PTCHD4: variants seen among roughly 807,000 people sequenced by gnomAD.
PTCHD4 encodes patched domain containing 4.
Under a neutral mutation model 58.1 loss-of-function variants are expected in PTCHD4, and 33 were observed. The ratio of observed to expected loss-of-function variants is 0.57; its 90% CI spans 0.43 to 0.76. The LOEUF (loss-of-function observed/expected upper bound fraction) is 0.76, where lower values mean the gene tolerates loss of function less well. Ranked by LOEUF, PTCHD4 falls within the 30% of genes least tolerant of loss-of-function variation. PTCHD4 has a pLI of 0.00. For missense variants in PTCHD4, 1,058 were observed against 1,027.1 expected, an observed-to-expected ratio of 1.03 and a Z score of -0.41; for synonymous variants, 478 against 409.6, an observed-to-expected ratio of 1.17 and a Z score of -2.02.
rs1049800545 is a variant in PTCHD4 at position 47,871,107 on chromosome 6, A to G, written c.*7196T>C. ...GGGTTTTGTTTTAGGAAAGAAAATA[A>G]AAATGCTCAACTTTTACTCTCATTT... On this transcript the variant is annotated 3_prime_UTR_variant, in exon 5 of 5. Coordinates refer to ENST00000339488, the MANE Select transcript of PTCHD4 (RefSeq NM_001384253.1). Among the ~76,000 whole-genome samples, 1 of 151,660 alleles carries G rather than the reference A, an allele frequency of 6.6e-6. No homozygotes were observed. The highest frequency in any genetic ancestry group is 2.4e-5 in the African/African-American group (1 of 41,386).
At position 47,879,557 on chromosome 6, in the gene PTCHD4, C is replaced by T. The variant is rs772385315; in HGVS notation, c.1278G>A (p.Gly426=). Residue 426 remains glycine, a synonymous_variant, in exon 5 of 5, where the codon GGG becomes GGA. Coordinates refer to ENST00000339488, the MANE Select transcript of PTCHD4 (RefSeq NM_001384253.1). The part of the protein sequence containing the change: ...PVWFQTVMSD[G]HQQTSHHETN... ...TCTCATGATGGGACGTCTGTTGATG[C>T]CCATCACTCATCACTGTCTGGAACC... The T allele has an allele frequency of 2.5e-6, 4 of 1,613,734 alleles. No homozygotes were observed. The Admixed American group carries it at 6.7e-5, about 27-fold the overall frequency.
chr6:47,885,123 C>T (rs1156840216), intron 4 of PTCHD4, among the ~76,000 whole-genome samples: 1 of 152,132 alleles, frequency 6.6e-6, no homozygotes, highest in East Asian at 1.9e-4. Flanking sequence ...TAATAAGTAA[C>T]TCACTCGGGA....
At chr6:48,108,312 G>C (rs1487039375) in intron 1 of PTCHD4, among the ~76,000 whole-genome samples, 1 of 152,084 alleles carries the variant, frequency 6.6e-6, no homozygotes, top group Non-Finnish European at 1.5e-5. Context: ...GGACATGGAT[G>C]AAGCTGGAAA....
intron 4 of PTCHD4, among the ~76,000 whole-genome samples, chr6:47,925,844 C>T (rs1409472440): frequency 6.6e-6 from 1 of 152,148 alleles, no homozygotes; most frequent in East Asian, 1.9e-4. Context: ...GTTACATATG[C>T]CTCCTTTATC....
chr6:47,930,210 TA>T (rs1398309619), intron 4 of PTCHD4, among the ~76,000 whole-genome samples: 1 of 151,988 alleles, frequency 6.6e-6, no homozygotes, highest in Non-Finnish European at 1.5e-5. Flanking sequence ...TCTGAAAGGG[TA>T]AAAAAGGTGG....
chr6:47,918,437 C>T (rs1765328176), intron 4 of PTCHD4, among the ~76,000 whole-genome samples: 1 of 152,026 alleles, frequency 6.6e-6, no homozygotes, highest in South Asian at 2.1e-4. Flanking sequence ...AGAACCAGGA[C>T]AACAAAGTAC....
chr6:48,065,817 G>A (rs1764774455), intron 3 of PTCHD4, among the ~76,000 whole-genome samples: 1 of 152,178 alleles, frequency 6.6e-6, no homozygotes, highest in African/African-American at 2.4e-5. Context: ...CACATTTGAG[G>A]AAACATTGAT....
intron 4 of PTCHD4, among the ~76,000 whole-genome samples, chr6:47,933,220 T>C (rs1013788577): frequency 6.6e-6 from 1 of 152,132 alleles, no homozygotes; most frequent in African/African-American, 2.4e-5. Flanking sequence ...ATTGAACAAA[T>C]GGTGAATGGG....
rs1762512789 is a variant in PTCHD4, at chr6:47,861,173, A to G, written c.*17130T>C. Reference sequence around the variant, plus strand: ...TAGATGAATTCTTCTTTTTACCTAAACTACTTAGTCCTGATTTTTCTTTAG... The same window carrying G: ...TAGATGAATTCTTCTTTTTACCTAAGCTACTTAGTCCTGATTTTTCTTTAG... On this transcript the variant is annotated 3_prime_UTR_variant, in exon 5 of 5. Transcript: ENST00000339488. Among the ~76,000 whole-genome samples the G allele has an allele frequency of 1.3e-5, 2 of 151,958 alleles. No individual in the cohort carries two copies. Among genetic ancestry groups the G allele is most frequent in the Admixed American group, 1.3e-4 (2 of 15,230 alleles).
At chr6:48,071,475 G>A (rs375314569) in intron 1 of PTCHD4, among the ~76,000 whole-genome samples, 10 of 152,244 alleles carry the variant, frequency 6.6e-5, no homozygotes, top group South Asian at 2.1e-4. Context: ...GAATGTTTCC[G>A]TTTATTGCTA....
At chr6:48,001,905 A>G (rs1306860822) in intron 4 of PTCHD4, among the ~76,000 whole-genome samples, 2 of 152,244 alleles carry the variant, frequency 1.3e-5, no homozygotes, top group Non-Finnish European at 2.9e-5. Context: ...ACTCAAACAA[A>G]TTTACAAGAA....
rs193152021 is a variant in PTCHD4, at chr6:47,898,565, T to C, written c.899-18629A>G. On this transcript the variant is annotated intron_variant, in intron 4 of 4. Coordinates refer to ENST00000339488, the MANE Select transcript of PTCHD4 (RefSeq NM_001384253.1). ...GGAAATTCAGCAACAATTAAATGTT[T>C]ACATGATACCACTCACATTTTTTCA... Among the ~76,000 whole-genome samples the C allele has an allele frequency of 1.7e-4, 26 of 152,328 alleles. No homozygotes were observed. In the East Asian group the frequency reaches 4.2e-3, roughly 25 times the overall value.
intron 4 of PTCHD4, among the ~76,000 whole-genome samples, chr6:47,908,374 T>A (rs77803641): frequency 0.038 from 5,826 of 152,218 alleles, 160 homozygotes; most frequent in Non-Finnish European, 0.047. Flanking sequence ...TGGGATTTTG[T>A]CTCCTTTTTC....
Position 47,878,740 on chromosome 6 carries a change from A to C in PTCHD4, c.2095T>G (p.Leu699Val), listed in dbSNP as rs776849610. The C allele has an allele frequency of 6.2e-7, 1 of 1,613,674 alleles. No individual in the cohort carries two copies. The highest frequency in any genetic ancestry group is 8.5e-7 in the Non-Finnish European group (1 of 1,179,782). ...VTSIELGVLG[L>V]MTLWNVDMDC... is the part of the protein sequence containing the mutation. ...ATGTCGACGTTCCATAATGTCATTAAGCCCAGAACGCCCAGCTCAATTGAG... is the reference window on the plus strand; with the variant it reads ...ATGTCGACGTTCCATAATGTCATTACGCCCAGAACGCCCAGCTCAATTGAG... Residue 699 changes from leucine to valine, a missense_variant, in exon 5 of 5, where the codon TTA (leucine) becomes GTA (valine). By Grantham distance (32) the Leu-to-Val change is conservative. Transcript: ENST00000339488.
chr6:48,066,730 G>C (rs562583006), intron 3 of PTCHD4, among the ~76,000 whole-genome samples: 1 of 151,772 alleles, frequency 6.6e-6, no homozygotes, highest in Admixed American at 6.6e-5. Flanking sequence ...AACATCAAGG[G>C]GCTGCTCAGC....
intron 4 of PTCHD4, among the ~76,000 whole-genome samples, chr6:48,007,154 C>T (rs1762466121): frequency 6.6e-6 from 1 of 152,112 alleles, no homozygotes; most frequent in African/African-American, 2.4e-5. Flanking sequence ...GCAAGAGGAT[C>T]ATTTGAACCT....
intron 3 of PTCHD4, among the ~76,000 whole-genome samples, chr6:48,010,802 G>C (rs1169130359): frequency 1.3e-5 from 2 of 152,078 alleles, no homozygotes; most frequent in Non-Finnish European, 1.5e-5. Flanking sequence ...CTGTGTCCAT[G>C]TGTTCTTGTT....
chr6:47,989,083 T>C (rs1281209064), intron 4 of PTCHD4, among the ~76,000 whole-genome samples: 1 of 152,210 alleles, frequency 6.6e-6, no homozygotes, highest in Non-Finnish European at 1.5e-5. Context: ...GAAGAACTTG[T>C]TGGGAGCTGG....
At chr6:47,890,069 A>G (rs1358684909) in intron 4 of PTCHD4, among the ~76,000 whole-genome samples, 1 of 115,010 alleles carries the variant, frequency 8.7e-6, no homozygotes, top group Non-Finnish European at 2.0e-5. Context: ...GTGTTTGTGC[A>G]TATATACAGA....
Sources: gnomAD v4.1 joint callset for allele counts (sites outside exome capture counted in the v4.1 genomes callset) on GRCh38, gnomAD v4.1.1 for gene constraint, MANE v1.5 for transcripts, NCBI Gene and HGNC (gene_info 2026-07-23, HGNC 2026-07-21) for gene names.